SUGCT: variants seen among roughly 807,000 people sequenced by gnomAD.
SUGCT encodes the protein succinyl-CoA:glutarate-CoA transferase.
Under a neutral mutation model 55.0 loss-of-function variants are expected in SUGCT, and 41 were observed. The observed-to-expected ratio is 0.74, with a 90% CI of 0.58 to 0.97. The LOEUF is 0.97. Ranked by LOEUF, SUGCT falls within the 50% of genes least tolerant of loss-of-function variation. The pLI, the probability that SUGCT is intolerant of heterozygous loss-of-function variation, is 0.00. For synonymous variants in SUGCT, 187 were observed against 200.4 expected (o/e 0.93, Z 0.56); for missense variants, 568 against 547.8 (o/e 1.04, Z -0.37).
At chr7:40,959,109 G>A in the SUGCT span, among the ~76,000 whole-genome samples, 1 of 152,310 alleles carries the variant, frequency 6.6e-6, no homozygotes, top group South Asian at 2.1e-4. Flanking sequence ...CTTGACCCCT[G>A]CTGGGAGGTG....
intron 13 of SUGCT, among the ~76,000 whole-genome samples, chr7:40,854,321 C>T (rs887788664): frequency 6.6e-6 from 1 of 152,138 alleles, no homozygotes; most frequent in African/African-American, 2.4e-5. Context: ...TATTGGCTCT[C>T]CAGGTCTGAG....
At chr7:40,976,987 G>T in the SUGCT span, among the ~76,000 whole-genome samples, 5 of 152,138 alleles carry the variant, frequency 3.3e-5, no homozygotes, top group Non-Finnish European at 7.4e-5. Context: ...ACCAATTCTG[G>T]TTCAAGTAAA....
chr7:40,578,344 A>C (rs1796882905), intron 12 of SUGCT, among the ~76,000 whole-genome samples: 1 of 152,194 alleles, frequency 6.6e-6, no homozygotes, highest in African/African-American at 2.4e-5. Flanking sequence ...GTACTTTTCG[A>C]AAATACTGTT....
chr7:40,771,100 A>T (rs913652648), intron 13 of SUGCT, among the ~76,000 whole-genome samples: 6 of 152,206 alleles, frequency 3.9e-5, no homozygotes, highest in African/African-American at 1.4e-4. Flanking sequence ...GTTTTCTAGA[A>T]ATTCCCAGGA....
chr7:40,840,283 T>C (rs1442245110), intron 13 of SUGCT, among the ~76,000 whole-genome samples: 1 of 152,164 alleles, frequency 6.6e-6, no homozygotes, highest in Admixed American at 6.5e-5. Flanking sequence ...TCTTGGTATA[T>C]GCTTGTAATC....
intron 12 of SUGCT, among the ~76,000 whole-genome samples, chr7:40,521,216 C>T (rs894415849): frequency 2.6e-5 from 4 of 152,080 alleles, no homozygotes; most frequent in African/African-American, 9.7e-5. Context: ...TTAGTGCCAT[C>T]CCCGTGTGAT....
At chr7:40,254,072 A>G (rs1269658753) in intron 7 of SUGCT, among the ~76,000 whole-genome samples, 3 of 152,230 alleles carry the variant, frequency 2.0e-5, no homozygotes, top group Non-Finnish European at 4.4e-5. Context: ...CATAAAAGTT[A>G]TATCACTAGG....
At chr7:40,384,046 C>T (rs1237917569) in intron 9 of SUGCT, among the ~76,000 whole-genome samples, 1 of 152,120 alleles carries the variant, frequency 6.6e-6, no homozygotes. Flanking sequence ...ACCCCTCGGT[C>T]TCTCTGATTC....
At chr7:40,595,019 A>G (rs1373384854) in intron 12 of SUGCT, among the ~76,000 whole-genome samples, 1 of 152,210 alleles carries the variant, frequency 6.6e-6, no homozygotes, top group African/African-American at 2.4e-5. Flanking sequence ...TTGGCCCTGA[A>G]TATGAAAAAA....
downstream of SUGCT, among the ~76,000 whole-genome samples, chr7:40,865,071 G>T (rs10263717): frequency 0.34 from 51,285 of 151,352 alleles, 9,653 homozygotes; most frequent in East Asian, 0.82. Context: ...TTTTTTCTCA[G>T]CCTTTGAACC....
chr7:40,171,200 A>G (rs1784654292), intron 1 of SUGCT, among the ~76,000 whole-genome samples: 1 of 152,212 alleles, frequency 6.6e-6, no homozygotes, highest in South Asian at 2.1e-4. Flanking sequence ...AAGAAATATG[A>G]GAGATGAATC....
chr7:40,907,342 G>A, the SUGCT span, among the ~76,000 whole-genome samples: 1 of 152,124 alleles, frequency 6.6e-6, no homozygotes, highest in African/African-American at 2.4e-5. Flanking sequence ...ATAAGGGGTG[G>A]TGTGTAATCT....
chr7:40,238,418 C>T (rs1386025913), intron 7 of SUGCT, among the ~76,000 whole-genome samples: 1 of 151,700 alleles, frequency 6.6e-6, no homozygotes, highest in Non-Finnish European at 1.5e-5. Flanking sequence ...ATATGAATGA[C>T]GTTAAACAAA....
At chr7:40,331,452 A>G (rs1300445471) in intron 9 of SUGCT, among the ~76,000 whole-genome samples, 1 of 152,176 alleles carries the variant, frequency 6.6e-6, no homozygotes, top group Non-Finnish European at 1.5e-5. Context: ...TAATTTCTTC[A>G]TGTATAAAAT....
chr7:40,314,089 A>G (rs1248772460), intron 8 of SUGCT, among the ~76,000 whole-genome samples: 2 of 152,194 alleles, frequency 1.3e-5, no homozygotes, highest in African/African-American at 4.8e-5. Context: ...TAAATGGGGC[A>G]GGTCAGAAAC....
chr7:40,325,316 A>G (rs548460069), intron 9 of SUGCT, among the ~76,000 whole-genome samples: 1 of 152,088 alleles, frequency 6.6e-6, no homozygotes, highest in Non-Finnish European at 1.5e-5. Context: ...TACCATAGTC[A>G]CACTAAGGCA....
chr7:40,790,484 G>A (rs1192221473), intron 13 of SUGCT, among the ~76,000 whole-genome samples: 3 of 152,148 alleles, frequency 2.0e-5, no homozygotes, highest in African/African-American at 4.8e-5. Flanking sequence ...TGTATTCTAA[G>A]TACTTAGTGA....
At chr7:40,224,496 A>G (rs1321503611) in intron 6 of SUGCT, among the ~76,000 whole-genome samples, 2 of 151,882 alleles carry the variant, frequency 1.3e-5, no homozygotes, top group East Asian at 3.9e-4. Flanking sequence ...AGCAAGATGC[A>G]TTGACATGGT....
the SUGCT span, among the ~76,000 whole-genome samples, chr7:40,964,052 A>T: frequency 1.3e-5 from 2 of 152,246 alleles, no homozygotes; most frequent in Non-Finnish European, 2.9e-5. Flanking sequence ...TAGAAGTATC[A>T]GAAAGACTTT....
Sources: allele counts gnomAD v4.1 joint callset (sites outside exome capture counted in the v4.1 genomes callset), GRCh38; gene constraint gnomAD v4.1.1; transcripts MANE v1.5; gene names NCBI Gene and HGNC (gene_info 2026-07-23, HGNC 2026-07-21).